The following NAV3 variants were observed in gnomAD, a reference collection of about 807,000 sequenced individuals.
NAV3 encodes pore membrane and/or filament interacting like protein 1.
In NAV3, 87 loss-of-function variants were observed where a neutral mutation model predicts 244.7. The ratio of observed to expected loss-of-function variants is 0.36; its 90% CI spans 0.30 to 0.42. The LOEUF (loss-of-function observed/expected upper bound fraction) is 0.42. NAV3 is among the 20% of genes least tolerant of loss of function. NAV3 has a pLI of 1.00. For synonymous variants in NAV3, 1,126 were observed against 1,042.2 expected (o/e 1.08, Z -1.55); for missense variants, 2,663 against 2,893.3 (o/e 0.92, Z 1.83).
In NAV3 at chr12:78,022,373, T is replaced by C. The variant is rs144002320; in HGVS notation, c.2023+511T>C. Among the ~76,000 whole-genome samples, 81 of 152,300 alleles carry C rather than the reference T, an allele frequency of 5.3e-4. No individual in the cohort carries two copies. In the East Asian group the frequency reaches 6.6e-3, roughly 12 times the overall value. ...TTTTGGTGTGTATCAAATGGGATGC[T>C]CAGCTTGAGCACAATGTTTTCTCTA... On this transcript the variant is annotated intron_variant, in intron 9 of 39. Transcript: ENST00000397909.
chr12:77,836,401 T>A (rs1032475177), intron 1 of NAV3, among the ~76,000 whole-genome samples: 4 of 152,206 alleles, frequency 2.6e-5, no homozygotes, highest in Admixed American at 6.5e-5. Flanking sequence ...ATTCCTTCCC[T>A]CTCAGATTAC....
intron 24 of NAV3, among the ~76,000 whole-genome samples, chr12:78,173,700 A>G (rs991321568): frequency 1.3e-5 from 2 of 151,256 alleles, no homozygotes; most frequent in African/African-American, 4.8e-5. Flanking sequence ...TGTTCTCATC[A>G]TTACTTTTTA....
intron 16 of NAV3, among the ~76,000 whole-genome samples, chr12:78,123,379 G>T: frequency 1.3e-5 from 2 of 149,158 alleles, no homozygotes; most frequent in South Asian, 2.1e-4. Flanking sequence ...CTCTGATATT[G>T]ATGATGGCAT....
chr12:78,185,946 A>G (rs1169471096), intron 31 of NAV3, among the ~76,000 whole-genome samples: 2 of 151,824 alleles, frequency 1.3e-5, no homozygotes, highest in Non-Finnish European at 2.9e-5. Flanking sequence ...CATTTCTAAA[A>G]CTTTAAAAAA....
chr12:78,007,103 C>A lies in NAV3; in HGVS notation c.1565C>A (p.Pro522Gln). 1 of 1,614,142 alleles carries A rather than the reference C, an allele frequency of 6.2e-7. No individual in the cohort carries two copies. Among genetic ancestry groups the A allele is most frequent in the Non-Finnish European group, 8.5e-7 (1 of 1,180,030 alleles). ...GCAGCTAAGAAGGAAAGCTTAATTC[C>A]GTCTTCCAGTGGTATTCCAAAACCA... is the stretch of plus-strand genomic sequence containing the variant. ...TTAAKKESLI[P>Q]SSSGIPKPGS... Residue 522 changes from proline to glutamine, a missense_variant, in exon 8 of 40, where the codon CCG becomes CAG. By Grantham distance (76) the Pro-to-Gln change is moderately conservative. This residue lies in a region of NAV3 where 1,521 missense variants were observed against 1,497.0 expected (regional missense o/e 1.02). Coordinates refer to ENST00000397909, the MANE Select transcript of NAV3 (RefSeq NM_001024383.2).
intron 5 of NAV3, among the ~76,000 whole-genome samples, chr12:77,972,164 T>G (rs1409683493): frequency 6.6e-6 from 1 of 151,346 alleles, no homozygotes; most frequent in Non-Finnish European, 1.5e-5. Context: ...GCATGGGTCA[T>G]GTGCTATATG....
At chr12:77,680,942 A>G (rs967587172) in intron 2 of NAV3, among the ~76,000 whole-genome samples, 6 of 152,092 alleles carry the variant, frequency 3.9e-5, no homozygotes, top group Admixed American at 3.3e-4. Context: ...TTTATTCCTC[A>G]ATAAAGTTGA....
chr12:77,998,520 C>A lies in NAV3; in HGVS notation c.880+44C>A, dbSNP rs1239793661. On this transcript the variant is annotated intron_variant, in intron 7 of 39. Transcript: ENST00000397909. ...ATTATGACACAAGTCCAACATGAGT[C>A]TTGTGAATTGCATGCTAAATCTAAT... is the stretch of plus-strand genomic sequence containing the variant. 6 of 1,549,906 alleles carry A rather than the reference C, an allele frequency of 3.9e-6. No homozygotes were observed. In the East Asian group the frequency reaches 9.4e-5, roughly 24 times the overall value.
At chr12:77,911,567 A>T (rs1886593155) in intron 1 of NAV3, among the ~76,000 whole-genome samples, 1 of 152,102 alleles carries the variant, frequency 6.6e-6, no homozygotes, top group South Asian at 2.1e-4. Flanking sequence ...CATCTACTCT[A>T]TATGCAAAAA....
chr12:77,786,982 A>T (rs1870932686), intron 2 of NAV3, among the ~76,000 whole-genome samples: 4 of 152,024 alleles, frequency 2.6e-5, no homozygotes, highest in Admixed American at 2.0e-4. Flanking sequence ...ATAATTATTA[A>T]TTACTATAAG....
intron 2 of NAV3, among the ~76,000 whole-genome samples, chr12:77,573,571 C>T (rs970827619): frequency 6.6e-6 from 1 of 152,052 alleles, no homozygotes; most frequent in Non-Finnish European, 1.5e-5. Context: ...CTTTTCTTCC[C>T]GCTGGCACTG....
chr12:77,665,343 A>G (rs1247404339), intron 2 of NAV3, among the ~76,000 whole-genome samples: 2 of 152,202 alleles, frequency 1.3e-5, no homozygotes, highest in South Asian at 2.1e-4. Context: ...TAAAAACTCC[A>G]TAATTATATT....
Position 78,200,576 on chromosome 12 carries a change from G to A in NAV3, c.6819G>A (p.Val2273=), listed in dbSNP as rs2140032541. 1 of 1,560,522 alleles carries A rather than the reference G, an allele frequency of 6.4e-7. No individual in the cohort carries two copies. The highest frequency in any genetic ancestry group is 1.8e-5 in the Admixed American group (1 of 56,792). The change falls in exon 38 of 40, where the codon GTG becomes GTA. Residue 2273 remains valine (V), a synonymous_variant. Transcript: ENST00000397909. ...YSLVPYILEA[V]REGLQMYGKR... is the part of the protein sequence containing the mutation. The stretch of plus-strand genomic sequence containing the variant: ...TAGTACCTTATATTCTGGAGGCAGT[G>A]AGAGAGGGTCTTCAGGTATAGTACT...
chr12:78,053,211 G>A (rs890577956), intron 11 of NAV3, among the ~76,000 whole-genome samples: 13 of 149,726 alleles, frequency 8.7e-5, no homozygotes, highest in African/African-American at 1.7e-4. Flanking sequence ...GTGAGACTCC[G>A]TCTAAAAATA....
At chr12:77,908,651 G>A (rs938276355) in intron 1 of NAV3, among the ~76,000 whole-genome samples, 3 of 151,864 alleles carry the variant, frequency 2.0e-5, no homozygotes, top group African/African-American at 4.8e-5. Flanking sequence ...AAAGCACATT[G>A]CTTTCTTTGA....
chr12:77,869,104 C>T (rs747444197), intron 1 of NAV3, among the ~76,000 whole-genome samples: 1 of 151,822 alleles, frequency 6.6e-6, no homozygotes, highest in Admixed American at 6.6e-5. Flanking sequence ...GCTGAGGACG[C>T]GAGGATTAAT....
chr12:78,191,318 A>G (rs1433807543), intron 34 of NAV3, among the ~76,000 whole-genome samples: 1 of 152,102 alleles, frequency 6.6e-6, no homozygotes, highest in Non-Finnish European at 1.5e-5. Flanking sequence ...TGAGAGAGAC[A>G]GAGAGAACAG....
chr12:77,697,132 G>A (rs1025520764), intron 2 of NAV3, among the ~76,000 whole-genome samples: 5 of 152,104 alleles, frequency 3.3e-5, no homozygotes, highest in Non-Finnish European at 5.9e-5. Flanking sequence ...AGGAGCCTGG[G>A]ATGTCTAACT....
At chr12:77,576,217 A>G (rs1869073590) in intron 2 of NAV3, among the ~76,000 whole-genome samples, 1 of 152,092 alleles carries the variant, frequency 6.6e-6, no homozygotes, top group Admixed American at 6.6e-5. Context: ...GAGAGAAATT[A>G]TTGTATTAAT....
Sources: allele counts gnomAD v4.1 joint callset (sites outside exome capture counted in the v4.1 genomes callset), GRCh38; gene constraint gnomAD v4.1.1; regional missense constraint gnomAD v4.1.1; transcripts MANE v1.5; gene names NCBI Gene and HGNC (gene_info 2026-07-23, HGNC 2026-07-21).